DEPDC4: variants seen among roughly 807,000 people sequenced by gnomAD.
DEPDC4 encodes DEP domain-containing protein 4.
Under a neutral mutation model 52.0 loss-of-function variants are expected in DEPDC4, and 52 were observed. The observed-to-expected ratio is 1.00, with a 90% CI of 0.80 to 1.26. The LOEUF is 1.26. Ranked by LOEUF, DEPDC4 falls within the 50% of genes most tolerant of loss-of-function variation. The pLI is 0.00. For missense variants in DEPDC4, 530 were observed against 546.9 expected, an observed-to-expected ratio of 0.97 and a Z score of 0.31; for synonymous variants, 201 against 196.8, an observed-to-expected ratio of 1.02 and a Z score of -0.18.
At chr12:100,265,249 C>T (rs1244637797) in intron 1 of DEPDC4, among the ~76,000 whole-genome samples, 1 of 151,914 alleles carries the variant, frequency 6.6e-6, no homozygotes, top group African/African-American at 2.4e-5. Context: ...AGCTGTGACC[C>T]TGCCACTGCA....
At chr12:100,265,295 A>T (rs182700675) in intron 1 of DEPDC4, among the ~76,000 whole-genome samples, 3 of 151,986 alleles carry the variant, frequency 2.0e-5, no homozygotes, top group Non-Finnish European at 4.4e-5. Context: ...CCCTGTCTCA[A>T]TTAGAAACAA....
chr12:100,248,959 T>G lies in DEPDC4; in HGVS notation c.1394A>C (p.Asp465Ala), dbSNP rs373392057. The G allele has an allele frequency of 2.4e-5, 24 of 984,964 alleles. No homozygotes were observed. The African/African-American group carries it at 3.8e-4, about 16-fold the overall frequency. 61.0% of individuals were successfully genotyped at this position (984,964 alleles called of 1,614,324 possible). A position where few individuals can be genotyped will look rare whatever the true frequency, so the allele number is the denominator to read the frequency against. ...CTTCTTAAGTTTCTTACTAACCAGATCCAATAAAGTAACTGGTGTCTACAC... is the reference window on the plus strand; with the variant it reads ...CTTCTTAAGTTTCTTACTAACCAGAGCCAATAAAGTAACTGGTGTCTACAC... Reference protein sequence around the residue: ...ELFKTPVTLLDLVSKKLKKLL... With the variant: ...ELFKTPVTLLALVSKKLKKLL... Residue 465 changes from aspartate to alanine, a missense_variant, in exon 8 of 10, where the codon GAT becomes GCT. Physicochemically the swap from Asp to Ala is moderately radical, Grantham distance 126 (BLOSUM62 -2). Coordinates refer to ENST00000550587, the MANE Select transcript of DEPDC4 (RefSeq NM_001364818.2).
At chr12:100,275,544 G>A in the DEPDC4 span, among the ~76,000 whole-genome samples, 3 of 152,116 alleles carry the variant, frequency 2.0e-5, no homozygotes, top group Non-Finnish European at 4.4e-5. Flanking sequence ...CTACTATATT[G>A]CCAAACTCAT....
intron 4 of DEPDC4, among the ~76,000 whole-genome samples, chr12:100,254,128 C>T (rs2096221132): frequency 6.6e-6 from 1 of 151,844 alleles, no homozygotes. Flanking sequence ...CATTGTTTTC[C>T]CTTTCTTATT....
At chr12:100,255,367 G>A (rs1467437521) in intron 4 of DEPDC4, among the ~76,000 whole-genome samples, 1 of 152,208 alleles carries the variant, frequency 6.6e-6, no homozygotes, top group Non-Finnish European at 1.5e-5. Context: ...TTGACTAAGA[G>A]GGTCCAGAGG....
chr12:100,267,170 G>A (rs1481976273), upstream of DEPDC4: 3 of 1,343,870 alleles, frequency 2.2e-6, no homozygotes, highest in South Asian at 1.3e-5. Flanking sequence ...CGGCCGGCAG[G>A]TCTTTTAGTC....
chr12:100,264,959 GA>G (rs201717004), intron 1 of DEPDC4, among the ~76,000 whole-genome samples: 1 of 151,068 alleles, frequency 6.6e-6, no homozygotes, highest in Non-Finnish European at 1.5e-5. Flanking sequence ...TGGGCAAAAA[GA>G]AAAAAAAATT....
At chr12:100,249,928 G>C (rs747387055) in intron 7 of DEPDC4, among the ~76,000 whole-genome samples, 1 of 152,184 alleles carries the variant, frequency 6.6e-6, no homozygotes, top group Non-Finnish European at 1.5e-5. Context: ...ATCTCAGGTA[G>C]TGATAAGTGC....
At chr12:100,244,846 G>A (rs754427261) in intron 8 of DEPDC4, among the ~76,000 whole-genome samples, 3 of 149,662 alleles carry the variant, frequency 2.0e-5, no homozygotes, top group South Asian at 2.1e-4. Flanking sequence ...CAACCACAAC[G>A]TCCCATGCTT....
At chr12:100,247,753 G>C (rs958042910) in intron 8 of DEPDC4, among the ~76,000 whole-genome samples, 1 of 152,112 alleles carries the variant, frequency 6.6e-6, no homozygotes, top group African/African-American at 2.4e-5. Flanking sequence ...CAACATACTT[G>C]TTGCCATATA....
At chr12:100,259,203 G>A (rs1045626941) in intron 3 of DEPDC4, among the ~76,000 whole-genome samples, 1 of 152,056 alleles carries the variant, frequency 6.6e-6, no homozygotes, top group African/African-American at 2.4e-5. Flanking sequence ...CAATATAACA[G>A]GCAAAGGTAA....
chr12:100,236,360 T>C (rs899485973), downstream of DEPDC4, among the ~76,000 whole-genome samples: 15 of 152,202 alleles, frequency 9.9e-5, no homozygotes, highest in Admixed American at 2.0e-4. Flanking sequence ...ATCTATTTTT[T>C]TTTTATTTTT....
the DEPDC4 span, among the ~76,000 whole-genome samples, chr12:100,281,019 G>GTTTTTTTTT: frequency 2.0e-4 from 10 of 50,492 alleles, 2 homozygotes; most frequent in African/African-American, 2.8e-4. Context: ...TACCATCAGT[G>GTTTTTTTTT]TTTTTTTTTT....
At chr12:100,258,735 A>G (rs1389858043) in intron 3 of DEPDC4, among the ~76,000 whole-genome samples, 1 of 145,318 alleles carries the variant, frequency 6.9e-6, no homozygotes, top group Non-Finnish European at 1.5e-5. Context: ...TGTCAATCAA[A>G]TAAGAGGCTA....
chr12:100,249,194 A>G (rs1223115777), intron 7 of DEPDC4, among the ~76,000 whole-genome samples: 5 of 152,204 alleles, frequency 3.3e-5, no homozygotes, highest in African/African-American at 2.4e-5. Flanking sequence ...TCATGTGTGT[A>G]CTGTATTTAA....
intron 3 of DEPDC4, among the ~76,000 whole-genome samples, chr12:100,260,351 C>T (rs2096249387): frequency 6.6e-6 from 1 of 151,572 alleles, no homozygotes; most frequent in Non-Finnish European, 1.5e-5. Context: ...GAACTCCTGA[C>T]CTCAAGTGAT....
At chr12:100,266,680 T>C (rs2096274928) in intron 1 of DEPDC4, among the ~76,000 whole-genome samples, 1 of 152,200 alleles carries the variant, frequency 6.6e-6, no homozygotes, top group Non-Finnish European at 1.5e-5. Context: ...GGGATTCGTA[T>C]GTATATTAAA....
At position 100,241,073 on chromosome 12, in the gene DEPDC4, A is replaced by G. The variant is rs2096156930; in HGVS notation, c.*819T>C. 6.6e-6 allele frequency among the ~76,000 whole-genome samples: 1 copy of G among 152,170 alleles called. No homozygotes were observed. Among genetic ancestry groups the G allele is most frequent in the Non-Finnish European group, 1.5e-5 (1 of 68,036 alleles). On this transcript the variant is annotated 3_prime_UTR_variant, in exon 10 of 10. Transcript: ENST00000550587. The stretch of plus-strand genomic sequence containing the variant: ...TTTCAAAAACAAAACAAAACAAAAC[A>G]AAACAACTACTTTATGCATCTTTCC...
At chr12:100,235,202 A>C (rs1372409836), downstream of DEPDC4, among the ~76,000 whole-genome samples, 1 of 151,944 alleles carries the variant, frequency 6.6e-6, no homozygotes, top group Non-Finnish European at 1.5e-5. Context: ...ATGCTTAACA[A>C]CTCTGACTTC....
Sources: allele counts gnomAD v4.1 joint callset (sites outside exome capture counted in the v4.1 genomes callset), GRCh38; gene constraint gnomAD v4.1.1; transcripts MANE v1.5; gene names NCBI Gene and HGNC (gene_info 2026-07-23, HGNC 2026-07-21).